FAM110B: variants seen among roughly 807,000 people sequenced by gnomAD.
The protein encoded by FAM110B is family with sequence similarity 110 member B, also known as protein FAM110B.
Under a neutral mutation model 20.4 loss-of-function variants are expected in FAM110B, and 6 were observed. The ratio of observed to expected loss-of-function variants is 0.29; its 90% CI spans 0.16 to 0.58. FAM110B has a LOEUF of 0.58. Ranked by LOEUF, FAM110B falls within the 20% of genes least tolerant of loss-of-function variation. The pLI is 0.90. For synonymous variants in FAM110B, 226 were observed against 214.1 expected (o/e 1.06, Z -0.49); for missense variants, 434 against 498.2 (o/e 0.87, Z 1.23).
intron 3 of FAM110B, among the ~76,000 whole-genome samples, chr8:58,127,067 G>T (rs1807526238): frequency 6.6e-6 from 1 of 152,106 alleles, no homozygotes; most frequent in Non-Finnish European, 1.5e-5. Context: ...GTTAATTTTT[G>T]TATAAGGTAT....
intron 2 of FAM110B, among the ~76,000 whole-genome samples, chr8:58,065,983 G>A (rs1805751831): frequency 6.6e-6 from 1 of 152,140 alleles, no homozygotes; most frequent in Non-Finnish European, 1.5e-5. Flanking sequence ...CTAGTTAAAT[G>A]TCATTATGAG....
intron 3 of FAM110B, among the ~76,000 whole-genome samples, chr8:58,088,576 C>G (rs1299569807): frequency 6.6e-6 from 1 of 152,184 alleles, no homozygotes; most frequent in Non-Finnish European, 1.5e-5. Context: ...TTATATTTCT[C>G]TCATTCCCCA....
At position 57,994,566 on chromosome 8, in the gene FAM110B, C is replaced by G. The variant is rs1384668982; in HGVS notation, c.-752C>G. 1.3e-5 allele frequency: 2 copies of G among 152,392 alleles called. No individual in the cohort carries two copies. Among genetic ancestry groups the G allele is most frequent in the Non-Finnish European group, 2.9e-5 (2 of 68,232 alleles). The allele number at this position is 152,392 out of a possible 1,614,324, so 9.4% of individuals were successfully genotyped here. On this transcript the variant is annotated 5_prime_UTR_variant, in exon 1 of 4. Coordinates refer to ENST00000519262, the MANE Select transcript of FAM110B (RefSeq NM_001377989.1). ...CCTGAGCCCTCCCACTCGGTGCAGACCGAACCATCGCGGCCGCCGCCAGCC... is the reference window on the plus strand; with the variant it reads ...CCTGAGCCCTCCCACTCGGTGCAGAGCGAACCATCGCGGCCGCCGCCAGCC...
chr8:58,052,541 C>G (rs1805468000), intron 2 of FAM110B, among the ~76,000 whole-genome samples: 1 of 152,002 alleles, frequency 6.6e-6, no homozygotes, highest in Non-Finnish European at 1.5e-5. Context: ...CCTTGTGAGG[C>G]TTATATTTGA....
intron 2 of FAM110B, among the ~76,000 whole-genome samples, chr8:58,033,192 G>A (rs984285575): frequency 6.6e-6 from 1 of 152,098 alleles, no homozygotes; most frequent in Admixed American, 6.6e-5. Flanking sequence ...TTAGGATAAT[G>A]GCCTCCAGCT....
intron 3 of FAM110B, among the ~76,000 whole-genome samples, chr8:58,141,212 G>A (rs1803736452): frequency 6.6e-6 from 1 of 152,068 alleles, no homozygotes; most frequent in African/African-American, 2.4e-5. Context: ...ACTATTACCA[G>A]AAAAATCAAA....
chr8:58,060,220 A>T (rs2150584858), intron 2 of FAM110B, among the ~76,000 whole-genome samples: 1 of 152,286 alleles, frequency 6.6e-6, no homozygotes, highest in East Asian at 1.9e-4. Flanking sequence ...TAGATTCCTC[A>T]CCGTGGCTCA....
Position 58,143,381 on chromosome 8 carries a change from C to T in FAM110B, c.-324-2526C>T, listed in dbSNP as rs138291767. ...AACCATGGTCATGTCAAAACATCAT[C>T]ACTGTGTTGAAAATTATTAGGGAAA... is the stretch of plus-strand genomic sequence containing the variant. On this transcript the variant is annotated intron_variant, in intron 3 of 3. Transcript: ENST00000519262. Among the ~76,000 whole-genome samples, 638 of 152,248 alleles carry T rather than the reference C, an allele frequency of 4.2e-3. 2 individuals carry two copies. Among genetic ancestry groups the T allele is most frequent in the Non-Finnish European group, 7.3e-3 (494 of 68,028 alleles).
chr8:58,092,990 A>G (rs1356410407), intron 3 of FAM110B, among the ~76,000 whole-genome samples: 1 of 152,182 alleles, frequency 6.6e-6, no homozygotes, highest in Admixed American at 6.5e-5. Flanking sequence ...CATTTCTCTA[A>G]TGATGAGGGA....
chr8:58,078,591 C>T (rs1271842083), intron 3 of FAM110B, among the ~76,000 whole-genome samples: 35 of 138,458 alleles, frequency 2.5e-4, no homozygotes, highest in Admixed American at 7.5e-5. Context: ...GGCTCTGTCA[C>T]CCAGGCTGGA....
intron 3 of FAM110B, among the ~76,000 whole-genome samples, chr8:58,111,449 T>A (rs1417293878): frequency 6.6e-6 from 1 of 152,186 alleles, no homozygotes; most frequent in African/African-American, 2.4e-5. Flanking sequence ...TTGGGGAACT[T>A]CTGGACTTGT....
At position 58,147,083 on chromosome 8, in the gene FAM110B, C is replaced by T. The variant is rs1385230731; in HGVS notation, c.853C>T (p.Pro285Ser). The change falls in exon 4 of 4, where the codon CCG becomes TCG. Residue 285 changes from proline (P) to serine (S), a missense_variant. Pro to Ser is a moderately conservative substitution (Grantham distance 74). Coordinates refer to ENST00000519262, the MANE Select transcript of FAM110B (RefSeq NM_001377989.1). ...GTTCTTCAACTACTGTGGACTGGAC[C>T]CGGAAGAGCTGGAAAACCTGGGAAT... ...ERFFNYCGLD[P>S]EELENLGMEN... 10 of 1,614,110 alleles carry T rather than the reference C, an allele frequency of 6.2e-6. No homozygotes were observed. Among genetic ancestry groups the T allele is most frequent in the Non-Finnish European group, 6.8e-6 (8 of 1,180,032 alleles).
chr8:58,089,291 G>A (rs1806415175), intron 3 of FAM110B, among the ~76,000 whole-genome samples: 1 of 152,216 alleles, frequency 6.6e-6, no homozygotes, highest in Admixed American at 6.5e-5. Context: ...GGATCTTTAT[G>A]TAGATGTTTG....
At chr8:58,097,403 A>G (rs765166742) in intron 3 of FAM110B, among the ~76,000 whole-genome samples, 1 of 152,158 alleles carries the variant, frequency 6.6e-6, no homozygotes, top group Non-Finnish European at 1.5e-5. Context: ...CAGGTCATTT[A>G]TATTCTTCTC....
chr8:57,998,479 T>C (rs946050975), intron 1 of FAM110B, among the ~76,000 whole-genome samples: 4 of 152,242 alleles, frequency 2.6e-5, no homozygotes, highest in Non-Finnish European at 4.4e-5. Context: ...TTGAATCAAA[T>C]CTTCATTTCA....
Position 58,147,561 on chromosome 8 carries a change from G to A in FAM110B, c.*218G>A. 1 of 587,312 alleles carries A rather than the reference G, an allele frequency of 1.7e-6. No individual in the cohort carries two copies. Among genetic ancestry groups the A allele is most frequent in the South Asian group, 2.4e-5 (1 of 41,596 alleles). The allele number at this position is 587,312 out of a possible 1,614,324, so 36.4% of individuals were successfully genotyped here. A position where few individuals can be genotyped will look rare whatever the true frequency, so the allele number is the denominator to read the frequency against. ...CACGCGTCATCTGCCAAAAGTTTCA[G>A]GCCAGAATCTAATTAGGGCTTTGCT... On this transcript the variant is annotated 3_prime_UTR_variant, in exon 4 of 4. Coordinates refer to ENST00000519262, the MANE Select transcript of FAM110B (RefSeq NM_001377989.1).
At chr8:58,048,558 C>T (rs1209198534) in intron 2 of FAM110B, among the ~76,000 whole-genome samples, 1 of 152,118 alleles carries the variant, frequency 6.6e-6, no homozygotes, top group Non-Finnish European at 1.5e-5. Context: ...AATGTACCAT[C>T]TTAATCATTT....
chr8:58,087,920 TG>T (rs901041464), intron 3 of FAM110B, among the ~76,000 whole-genome samples: 1 of 152,204 alleles, frequency 6.6e-6, no homozygotes, highest in Non-Finnish European at 1.5e-5. Flanking sequence ...AAATTATCAA[TG>T]GGAAAGTAAA....
At chr8:58,024,830 G>T (rs2150570805) in intron 1 of FAM110B, among the ~76,000 whole-genome samples, 1 of 152,324 alleles carries the variant, frequency 6.6e-6, no homozygotes, top group East Asian at 1.9e-4. Flanking sequence ...TTTGAACTCA[G>T]TTGATTTCAG....
Sources: allele counts gnomAD v4.1 joint callset (sites outside exome capture counted in the v4.1 genomes callset), GRCh38; gene constraint gnomAD v4.1.1; transcripts MANE v1.5; gene names NCBI Gene and HGNC (gene_info 2026-07-23, HGNC 2026-07-21).